DSG1: variants seen among roughly 807,000 people sequenced by gnomAD.
DSG1 encodes desmoglein-1.
DSG1 carries 39 observed loss-of-function variants against 97.5 expected under a neutral mutation model. The ratio of observed to expected loss-of-function variants is 0.40; its 90% CI spans 0.31 to 0.52. The LOEUF is 0.52. Among genes scored for constraint, DSG1 ranks in the 20% least tolerant of loss-of-function variants. The pLI is 0.53. For missense variants in DSG1, 1,311 were observed against 1,295.4 expected (o/e 1.01, Z -0.18); for synonymous variants, 475 against 443.4 (o/e 1.07, Z -0.90).
Position 31,358,106 on chromosome 18 carries a change from A to G in DSG1, c.*2760A>G, listed in dbSNP as rs2071974136. Reference sequence around the variant, plus strand: ...AGGATTCAAGCTGAGTTTCAGATCAACTTGCTCTTAACAAAAGGAAAAAGA... The same window carrying G: ...AGGATTCAAGCTGAGTTTCAGATCAGCTTGCTCTTAACAAAAGGAAAAAGA... On this transcript the variant is annotated 3_prime_UTR_variant, in exon 15 of 15. Coordinates refer to ENST00000257192, the MANE Select transcript of DSG1 (RefSeq NM_001942.4). Among the ~76,000 whole-genome samples, 1 of 152,028 alleles carries G rather than the reference A, an allele frequency of 6.6e-6. No homozygotes were observed. Among genetic ancestry groups the G allele is most frequent in the Non-Finnish European group, 1.5e-5 (1 of 67,896 alleles).
At chr18:31,343,722 T>G in intron 12 of DSG1, 139 bp downstream of exon 12, 60 of 1,149,538 alleles carry the variant, frequency 5.2e-5, no homozygotes, top group Non-Finnish European at 7.1e-5. Flanking sequence ...TGAAGAGGAA[T>G]CAGAAACACA....
At position 31,318,456 on chromosome 18, in the gene DSG1, A is replaced by G. The variant is rs182423939; in HGVS notation, c.48+108A>G. On this transcript the variant is annotated intron_variant, in intron 1 of 14. Coordinates refer to ENST00000257192, the MANE Select transcript of DSG1 (RefSeq NM_001942.4). ...TATTTCTAACCTAAACCCATTGAAA[A>G]TGTATATTAATGACAAGATGATTTT... The G allele has an allele frequency of 1.7e-4, 144 of 855,502 alleles. No individual in the cohort carries two copies. The African/African-American group carries it at 2.1e-3, about 13-fold the overall frequency. 53.0% of individuals were successfully genotyped at this position (855,502 alleles called of 1,614,324 possible). A position where few individuals can be genotyped will look rare whatever the true frequency, so the allele number is the denominator to read the frequency against.
Position 31,346,033 on chromosome 18 carries a change from GGGA to G in DSG1, c.1943_1945del (p.Gly648del). 6 of 1,613,898 alleles carry G rather than the reference GGGA, an allele frequency of 3.7e-6. No homozygotes were observed. Among genetic ancestry groups the G allele is most frequent in the South Asian group, 1.1e-5 (1 of 91,072 alleles). On this transcript the variant is annotated inframe_deletion, in exon 14 of 15. Coordinates refer to ENST00000257192, the MANE Select transcript of DSG1 (RefSeq NM_001942.4). Reference sequence around the variant, plus strand: ...ATGGTGGCAGAGAAATGCAAGATCTGGGAGGAGGAGAGAGAATGACAGGATTTG... The same window carrying G: ...ATGGTGGCAGAGAAATGCAAGATCTGGGAGGAGAGAGAATGACAGGATTTG...
At chr18:31,322,518 G>A (rs551551351) in intron 1 of DSG1, among the ~76,000 whole-genome samples, 15 of 152,156 alleles carry the variant, frequency 9.9e-5, no homozygotes, top group Non-Finnish European at 2.2e-4. Context: ...GTATGTACTT[G>A]TAAAATACAC....
Position 31,336,474 on chromosome 18 carries a change from G to C in DSG1, c.1126G>C (p.Val376Leu). ...GAAAGCATCTGCAATTTCTGTGACT[G>C]TGTTAAATGTAATTGAAGGCCCAGT... Reference protein sequence around the residue: ...KLKASAISVTVLNVIEGPVFR... With the variant: ...KLKASAISVTLLNVIEGPVFR... The change falls in exon 9 of 15, where the codon GTG (valine) becomes CTG (leucine). Residue 376 changes from valine to leucine, a missense_variant. By Grantham distance (32) the Val-to-Leu change is conservative. Coordinates refer to ENST00000257192, the MANE Select transcript of DSG1 (RefSeq NM_001942.4). 6.2e-7 allele frequency: 1 copy of C among 1,613,984 alleles called. No homozygotes were observed. Among genetic ancestry groups the C allele is most frequent in the Non-Finnish European group, 8.5e-7 (1 of 1,179,936 alleles).
At chr18:31,332,683 A>C (rs1416908939) in intron 6 of DSG1, among the ~76,000 whole-genome samples, 8 of 152,148 alleles carry the variant, frequency 5.3e-5, no homozygotes, top group Non-Finnish European at 1.2e-4. Context: ...TTAATTATTA[A>C]AAATGACAAT....
At position 31,355,586 on chromosome 18, in the gene DSG1, C is replaced by T; in HGVS notation, c.*240C>T. 1 of 547,576 alleles carries T rather than the reference C, an allele frequency of 1.8e-6. No homozygotes were observed. Among genetic ancestry groups the T allele is most frequent in the East Asian group, 3.2e-5 (1 of 31,620 alleles). 33.9% of individuals were successfully genotyped at this position (547,576 alleles called of 1,614,324 possible). On this transcript the variant is annotated 3_prime_UTR_variant, in exon 15 of 15. Coordinates refer to ENST00000257192, the MANE Select transcript of DSG1 (RefSeq NM_001942.4). Reference sequence around the variant, plus strand: ...GAACTAAAACTTGAGGCAGAGTCTTCTTTGTGCCTGAGTGGCCTGTAGTCC... The same window carrying T: ...GAACTAAAACTTGAGGCAGAGTCTTTTTTGTGCCTGAGTGGCCTGTAGTCC...
At chr18:31,325,336 A>G (rs952514499) in intron 1 of DSG1, among the ~76,000 whole-genome samples, 5 of 152,238 alleles carry the variant, frequency 3.3e-5, no homozygotes, top group African/African-American at 9.6e-5. Flanking sequence ...TGGCGCTCCA[A>G]TGCAGTAAGG....
rs1568037473 is a variant in DSG1 at position 31,318,164 on chromosome 18, AC to A, written c.-136del. Reference sequence around the variant, plus strand: ...GTCCTTCTCCCAGAGGAAGGCAGAAACACCTCAAAGCCTGCATGTAAGAACA... The same window carrying A: ...GTCCTTCTCCCAGAGGAAGGCAGAAAACCTCAAAGCCTGCATGTAAGAACA... On this transcript the variant is annotated 5_prime_UTR_variant, in exon 1 of 15. Coordinates refer to ENST00000257192, the MANE Select transcript of DSG1 (RefSeq NM_001942.4). 1 of 812,654 alleles carries A rather than the reference AC, an allele frequency of 1.2e-6. No individual in the cohort carries two copies. The highest frequency in any genetic ancestry group is 1.7e-5 in the African/African-American group (1 of 59,004). The allele number at this position is 812,654 out of a possible 1,614,324, so 50.3% of individuals were successfully genotyped here.
intron 14 of DSG1, among the ~76,000 whole-genome samples, chr18:31,347,454 A>T (rs1265744675): frequency 2.6e-5 from 4 of 152,120 alleles, no homozygotes; most frequent in Non-Finnish European, 5.9e-5. Context: ...CCCAAAATGT[A>T]AGCTCTGTGA....
Position 31,343,964 on chromosome 18 carries a change from C to A in DSG1, c.1860C>A (p.Asn620Lys), listed in dbSNP as rs548157114. 1.9e-6 allele frequency: 3 copies of A among 1,612,956 alleles called. No homozygotes were observed. The highest frequency in any genetic ancestry group is 1.7e-6 in the Non-Finnish European group (2 of 1,179,280). The change falls in exon 13 of 15, where the codon AAC becomes AAA. Residue 620 changes from asparagine to lysine, a missense_variant. This residue lies in a region of DSG1 where 1,038 missense variants were observed against 964.6 expected (regional missense o/e 1.08). Coordinates refer to ENST00000257192, the MANE Select transcript of DSG1 (RefSeq NM_001942.4). ...TTVIPQIPPD[N>K]ANIIECIDNS... ...TCATACCACAAATACCACCTGATAA[C>A]GCAAATATAATTGAATGCATTGACA...
Position 31,330,052 on chromosome 18 carries a change from G to A in DSG1, c.517+16G>A. On this transcript the variant is annotated intron_variant, in intron 5 of 14. Coordinates refer to ENST00000257192, the MANE Select transcript of DSG1 (RefSeq NM_001942.4). ...TCTAATGCAAGTAAGTAATGTAGTG[G>A]CTTCCAAATCACTCCTAACAGCCAG... 6.2e-7 allele frequency: 1 copy of A among 1,612,386 alleles called. No individual in the cohort carries two copies. The highest frequency in any genetic ancestry group is 8.5e-7 in the Non-Finnish European group (1 of 1,178,720).
At chr18:31,326,478 T>G (rs1343689635) in intron 1 of DSG1, 103 bp from the exon 2 acceptor site, 3 of 928,668 alleles carry the variant, frequency 3.2e-6, no homozygotes, top group African/African-American at 1.7e-5. Flanking sequence ...TTTTAATGAC[T>G]CACAAGCCTA....
chr18:31,338,211 T>C, intron 9 of DSG1, 104 bp from the exon 10 acceptor site: 1 of 1,227,134 alleles, frequency 8.1e-7, no homozygotes, highest in African/African-American at 1.5e-5. Flanking sequence ...GAAAACTGTA[T>C]CTAGGGATTA....
Position 31,354,868 on chromosome 18 carries a change from A to C in DSG1, c.2672A>C (p.Asn891Thr). ...ATGCCTGACTTGCGAGATGGGTCGA[A>C]TGTTATAGTGACAGAAAGGGTAATA... The part of the protein sequence containing the change: ...LEMPDLRDGS[N>T]VIVTERVIAP... Residue 891 changes from asparagine to threonine, a missense_variant, in exon 15 of 15, where the codon AAT (asparagine) becomes ACT (threonine). Physicochemically the swap from Asn to Thr is moderately conservative, Grantham distance 65. This residue lies in a region of DSG1 where 1,038 missense variants were observed against 964.6 expected (regional missense o/e 1.08). Coordinates refer to ENST00000257192, the MANE Select transcript of DSG1 (RefSeq NM_001942.4). 1 of 1,614,198 alleles carries C rather than the reference A, an allele frequency of 6.2e-7. No individual in the cohort carries two copies. Among genetic ancestry groups the C allele is most frequent in the Non-Finnish European group, 8.5e-7 (1 of 1,180,030 alleles).
chr18:31,353,688 G>T (rs1295904912), intron 14 of DSG1, among the ~76,000 whole-genome samples: 1 of 152,048 alleles, frequency 6.6e-6, no homozygotes, highest in African/African-American at 2.4e-5. Context: ...CGTTTTTTAA[G>T]CCCGTCGGAA....
rs2071971091 is a variant in DSG1, at chr18:31,357,706, T to C, written c.*2360T>C. Reference sequence around the variant, plus strand: ...ACGATGGGAAAAACAAGAAAAAACATGGCCATTTGAGTCATTGAGTCATCT... The same window carrying C: ...ACGATGGGAAAAACAAGAAAAAACACGGCCATTTGAGTCATTGAGTCATCT... On this transcript the variant is annotated 3_prime_UTR_variant, in exon 15 of 15. Coordinates refer to ENST00000257192, the MANE Select transcript of DSG1 (RefSeq NM_001942.4). 6.6e-6 allele frequency among the ~76,000 whole-genome samples: 1 copy of C among 151,938 alleles called. No individual in the cohort carries two copies. Among genetic ancestry groups the C allele is most frequent in the South Asian group, 2.1e-4 (1 of 4,832 alleles).
At chr18:31,323,640 C>CA (rs920495890) in intron 1 of DSG1, among the ~76,000 whole-genome samples, 148 of 150,948 alleles carry the variant, frequency 9.8e-4, no homozygotes, top group African/African-American at 2.8e-3. Context: ...TACCCTCTCT[C>CA]AAAAAAAAAT....
In DSG1 at chr18:31,336,395, T is replaced by C. The variant is rs763564227; in HGVS notation, c.1047T>C (p.Ile349=). 1 of 1,613,736 alleles carries C rather than the reference T, an allele frequency of 6.2e-7. No homozygotes were observed. Among genetic ancestry groups the C allele is most frequent in the African/African-American group, 1.3e-5 (1 of 74,930 alleles). The stretch of plus-strand genomic sequence containing the variant: ...CTATGCAGAGTCTGCAACTCAGTAT[T>C]GGTGTCAGAAATAAAGCTGAATTTC... ...YEAMQSLQLS[I]GVRNKAEFHH... is the part of the protein sequence containing the mutation. Residue 349 remains isoleucine (I), a synonymous_variant, in exon 9 of 15, where the codon ATT becomes ATC. Transcript: ENST00000257192.
Sources: gnomAD v4.1 joint callset for allele counts (sites outside exome capture counted in the v4.1 genomes callset) on GRCh38, gnomAD v4.1.1 for gene constraint, gnomAD v4.1.1 regional missense constraint, MANE v1.5 for transcripts, NCBI Gene and HGNC (gene_info 2026-07-23, HGNC 2026-07-21) for gene names.